The following SATL1 variants were observed in gnomAD, a reference collection of about 807,000 sequenced individuals.
SATL1 encodes the protein spermidine/spermine N1-acetyl transferase like 1.
Under a neutral mutation model 51.8 loss-of-function variants are expected in SATL1, and 47 were observed. The ratio of observed to expected loss-of-function variants is 0.91; its 90% CI spans 0.72 to 1.16. SATL1 has a LOEUF of 1.16. SATL1 is among the 50% of genes most tolerant of loss of function. The pLI is 0.00. For synonymous variants in SATL1, 176 were observed against 182.4 expected (o/e 0.97, Z 0.28); for missense variants, 520 against 526.4 (o/e 0.99, Z 0.12).
In SATL1 at chrX:85,224,274, T is replaced by G. The variant is rs185582859; in HGVS notation, c.-382A>C. Reference sequence around the variant, plus strand: ...ACACCACTGTGATCTCTGCCTCCCTTTTCACATCATCTTCTCCTCTGTGTG... The same window carrying G: ...ACACCACTGTGATCTCTGCCTCCCTGTTCACATCATCTTCTCCTCTGTGTG... On this transcript the variant is annotated 5_prime_UTR_variant, in exon 2 of 8. Transcript: ENST00000644105. 1.1e-3 allele frequency: 123 copies of G among 107,110 alleles called. No individual in the cohort carries two copies. The highest frequency in any genetic ancestry group is 4.0e-3 in the African/African-American group (118 of 29,535). 8.8% of individuals were successfully genotyped at this position (107,110 alleles called of 1,213,427 possible).
intron 1 of SATL1, among the ~76,000 whole-genome samples, chrX:85,231,282 T>C: frequency 8.9e-6 from 1 of 112,081 alleles, no homozygotes; most frequent in Non-Finnish European, 1.9e-5. Flanking sequence ...GAGGACATTA[T>C]GCTAAAAGGA....
chrX:85,109,876 G>A (rs1925221570), intron 2 of SATL1, among the ~76,000 whole-genome samples: 1 of 110,917 alleles, frequency 9.0e-6, no homozygotes, highest in Admixed American at 9.7e-5. Flanking sequence ...TGGGCATGGT[G>A]GTGGGCACCT....
Position 85,220,905 on chromosome X carries a change from C to T in SATL1, c.-313+3300G>A, listed in dbSNP as rs978154338. ...AATAGATCTCAAATATGTCCCCTCT[C>T]CTACCATTATCTCTATTCATTCTGA... On this transcript the variant is annotated intron_variant, in intron 2 of 7. Coordinates refer to ENST00000644105, the MANE Select transcript of SATL1 (RefSeq NM_001367857.2). 4.5e-5 allele frequency among the ~76,000 whole-genome samples: 5 copies of T among 110,531 alleles called. No individual in the cohort carries two copies. The Admixed American group carries it at 4.8e-4, about 11-fold the overall frequency.
At chrX:85,109,667 C>A (rs1346541753) in intron 2 of SATL1, among the ~76,000 whole-genome samples, 1 of 111,422 alleles carries the variant, frequency 9.0e-6, no homozygotes, top group Non-Finnish European at 1.9e-5. Flanking sequence ...AACTAGTTGT[C>A]CCGATGAAGT....
chrX:85,223,886 G>C (rs1328566367), intron 2 of SATL1, among the ~76,000 whole-genome samples: 1 of 111,029 alleles, frequency 9.0e-6, no homozygotes, highest in African/African-American at 3.3e-5. Context: ...TGGACTAGGG[G>C]AGCAGGGAAA....
chrX:85,104,286 T>C (rs772591895), intron 3 of SATL1, among the ~76,000 whole-genome samples: 1 of 111,830 alleles, frequency 8.9e-6, no homozygotes, highest in Non-Finnish European at 1.9e-5. Flanking sequence ...CAGAGAAGTC[T>C]CTCAGGTGTT....
intron 2 of SATL1, among the ~76,000 whole-genome samples, chrX:85,204,715 C>T (rs1254336677): frequency 9.0e-6 from 1 of 111,618 alleles, no homozygotes; most frequent in Non-Finnish European, 1.9e-5. Context: ...ACTCACTTAT[C>T]CCCTGTGAAT....
At chrX:85,104,805 A>G (rs1244356754) in intron 3 of SATL1, among the ~76,000 whole-genome samples, 4 of 111,866 alleles carry the variant, frequency 3.6e-5, no homozygotes, top group African/African-American at 1.3e-4. Context: ...TTATGTAAAT[A>G]GTTATACTGT....
Position 85,108,233 on chromosome X carries a change from G to T in SATL1, c.736C>A (p.Pro246Thr), listed in dbSNP as rs2147691998. The change falls in exon 3 of 8, where the codon CCA becomes ACA. Residue 246 changes from proline to threonine, a missense_variant. Pro to Thr is a conservative substitution (Grantham distance 38). This residue lies in a region of SATL1 where 488 missense variants were observed against 474.3 expected (regional missense o/e 1.03). Transcript: ENST00000644105. ...GATAAACTTGATTGGTTTGCGTCTG[G>T]TTGGCTCATGTCTGTTTGGTTCTTA... is the stretch of plus-strand genomic sequence containing the variant. The part of the protein sequence containing the change: ...SCKNQTDMSQ[P>T]DANQSSLSDS... 8.3e-7 allele frequency: 1 copy of T among 1,211,519 alleles called. No homozygotes were observed. Among genetic ancestry groups the T allele is most frequent in the East Asian group, 3.0e-5 (1 of 33,813 alleles).
chrX:85,188,098 A>T (rs776662744), intron 2 of SATL1, among the ~76,000 whole-genome samples: 2 of 111,677 alleles, frequency 1.8e-5, no homozygotes, highest in South Asian at 7.5e-4. Context: ...ACCATTCATT[A>T]TCTCTTTGCA....
At chrX:85,218,872 C>T (rs1432802911) in intron 2 of SATL1, among the ~76,000 whole-genome samples, 1 of 112,009 alleles carries the variant, frequency 8.9e-6, no homozygotes, top group Non-Finnish European at 1.9e-5. Context: ...TATTTGAAAG[C>T]AGCCAGGAAT....
At chrX:85,158,664 G>A (rs1005247160) in intron 2 of SATL1, among the ~76,000 whole-genome samples, 7 of 111,183 alleles carry the variant, frequency 6.3e-5, no homozygotes, top group East Asian at 2.8e-4. Flanking sequence ...CCAGCTAATG[G>A]GCATATTCTT....
intron 2 of SATL1, among the ~76,000 whole-genome samples, chrX:85,218,540 CATAA>C (rs1009246508): frequency 9.0e-6 from 1 of 111,538 alleles, no homozygotes; most frequent in Middle Eastern, 4.2e-3. Context: ...GCTTATGTGA[CATAA>C]ATAATGTTAT....
intron 2 of SATL1, among the ~76,000 whole-genome samples, chrX:85,215,683 T>C (rs1375727482): frequency 8.9e-6 from 1 of 112,627 alleles, no homozygotes; most frequent in Non-Finnish European, 1.9e-5. Flanking sequence ...TTTGCTACAG[T>C]GTCACAATGA....
At chrX:85,171,625 T>C (rs766488568) in intron 2 of SATL1, among the ~76,000 whole-genome samples, 1 of 111,319 alleles carries the variant, frequency 9.0e-6, no homozygotes, top group South Asian at 3.7e-4. Flanking sequence ...CTGAATCGAG[T>C]AGGTCATTAG....
intron 2 of SATL1, among the ~76,000 whole-genome samples, chrX:85,151,753 T>G (rs1391969966): frequency 9.0e-6 from 1 of 111,667 alleles, no homozygotes; most frequent in Non-Finnish European, 1.9e-5. Context: ...CTGGGAAAAC[T>G]GGCTAGCCAT....
Position 85,105,964 on chromosome X carries a change from A to C in SATL1, c.1641+1364T>G, listed in dbSNP as rs757376678. 4.6e-4 allele frequency among the ~76,000 whole-genome samples: 52 copies of C among 112,051 alleles called. 1 individual carries two copies. In the Admixed American group the frequency reaches 4.8e-3, roughly 10 times the overall value. On this transcript the variant is annotated intron_variant, in intron 3 of 7. Transcript: ENST00000644105. ...AAATTAAAAAGTAAATGTGGCCAGA[A>C]ACCCTTCAGATAGTTTCATTGAAAT...
At chrX:85,141,844 A>ATCTTATT (rs1338371581) in intron 2 of SATL1, among the ~76,000 whole-genome samples, 6 of 108,943 alleles carry the variant, frequency 5.5e-5, no homozygotes, top group African/African-American at 2.0e-4. Flanking sequence ...AACCTTTTGT[A>ATCTTATT]TCTTATTTCT....
intron 2 of SATL1, among the ~76,000 whole-genome samples, chrX:85,146,216 TTACTC>T (rs1356091129): frequency 8.9e-6 from 1 of 111,982 alleles, no homozygotes; most frequent in Admixed American, 9.5e-5. Flanking sequence ...ATTCTTATAA[TTACTC>T]TATTTTACCA....
Sources: gnomAD v4.1 joint callset for allele counts (sites outside exome capture counted in the v4.1 genomes callset) on GRCh38, gnomAD v4.1.1 for gene constraint, gnomAD v4.1.1 regional missense constraint, MANE v1.5 for transcripts, NCBI Gene and HGNC (gene_info 2026-07-23, HGNC 2026-07-21) for gene names.